AVEN: variants seen among roughly 807,000 people sequenced by gnomAD.
The protein encoded by AVEN is cell death regulator Aven.
In AVEN, 41 loss-of-function variants were observed where a neutral mutation model predicts 38.1. The observed-to-expected ratio is 1.08, with a 90% CI of 0.84 to 1.40. AVEN has a LOEUF of 1.40. Among genes scored for constraint, AVEN ranks in the 40% most tolerant of loss-of-function variants. The pLI is 0.00. For synonymous variants in AVEN, 206 were observed against 171.8 expected, an observed-to-expected ratio of 1.20 and a Z score of -1.56; for missense variants, 605 against 438.8, an observed-to-expected ratio of 1.38 and a Z score of -3.38.
chr15:33,934,058 T>A (rs1014013788), intron 2 of AVEN, among the ~76,000 whole-genome samples: 1 of 152,136 alleles, frequency 6.6e-6, no homozygotes, highest in Non-Finnish European at 1.5e-5. Flanking sequence ...TATTATATAC[T>A]CAAATTAAGA....
chr15:33,945,822 T>G (rs1015200039), intron 2 of AVEN, among the ~76,000 whole-genome samples: 1 of 152,162 alleles, frequency 6.6e-6, no homozygotes, highest in Non-Finnish European at 1.5e-5. Flanking sequence ...CCTGACCTCA[T>G]GATCCGCCCA....
intron 11 of AVEN, among the ~76,000 whole-genome samples, chr15:33,860,391 A>G (rs1296702391): frequency 6.6e-6 from 1 of 152,232 alleles, no homozygotes; most frequent in Non-Finnish European, 1.5e-5. Context: ...ACAGCACTGC[A>G]TGGTGTAGAA....
chr15:33,864,800 A>G, downstream of AVEN: 1 of 249,708 alleles, frequency 4.0e-6, no homozygotes, highest in Non-Finnish European at 7.7e-6. Flanking sequence ...ACGTTCCCTC[A>G]AGCATTCCTC....
chr15:33,943,693 C>T lies in AVEN; in HGVS notation c.445+59339G>A, dbSNP rs547550793. On this transcript the variant is annotated intron_variant, in intron 2 of 5. Coordinates refer to ENST00000306730, the MANE Select transcript of AVEN (RefSeq NM_020371.3). Reference sequence around the variant, plus strand: ...ACAAAAAATTAGCTAGGTGTGGTGGCGCACGCCTATAATCCCAGCTACTTG... The same window carrying T: ...ACAAAAAATTAGCTAGGTGTGGTGGTGCACGCCTATAATCCCAGCTACTTG... Among the ~76,000 whole-genome samples, 214 of 152,150 alleles carry T rather than the reference C, an allele frequency of 1.4e-3. 1 individual carries two copies. The highest frequency in any genetic ancestry group is 1.9e-3 in the Non-Finnish European group (130 of 67,994).
Position 34,063,388 on chromosome 15 carries a change from C to T in AVEN, n.1171G>A. 1 of 1,614,068 alleles carries T rather than the reference C, an allele frequency of 6.2e-7. No individual in the cohort carries two copies. The highest frequency in any genetic ancestry group is 8.5e-7 in the Non-Finnish European group (1 of 1,180,040). ...ATCTACCGGGAAACAGAGAAGCGAA[C>T]CAAGGACCTGGCTGACCTCCAGGGT... is the stretch of plus-strand genomic sequence containing the variant. On this transcript the variant is annotated non_coding_transcript_exon_variant, in exon 5 of 12. Transcript: ENST00000675287. This position sits in a 1 kb window ranked among gnomAD's most constrained non-coding sequence, Gnocchi z 4.1.
At chr15:33,887,424 A>C (rs1255288192) in intron 2 of AVEN, among the ~76,000 whole-genome samples, 1 of 152,132 alleles carries the variant, frequency 6.6e-6, no homozygotes, top group African/African-American at 2.4e-5. Flanking sequence ...TATGGGGTAA[A>C]ATTCTAGTTT....
At chr15:33,957,970 T>C (rs1181830357) in intron 2 of AVEN, among the ~76,000 whole-genome samples, 1 of 152,154 alleles carries the variant, frequency 6.6e-6, no homozygotes, top group Non-Finnish European at 1.5e-5. Context: ...TCACCCCAGA[T>C]CTACTAAATC....
chr15:33,932,862 T>TAAATAAATAAAA (rs1184605505), intron 2 of AVEN, among the ~76,000 whole-genome samples: 1,915 of 151,560 alleles, frequency 0.013, 21 homozygotes, highest in Non-Finnish European at 0.019. Flanking sequence ...AATAAATAAA[T>TAAATAAATAAAA]AAAAATTGTA....
At chr15:33,864,792 G>A (rs939645644), downstream of AVEN, 4 of 232,728 alleles carry the variant, frequency 1.7e-5, no homozygotes, top group East Asian at 9.3e-5. Context: ...TGCAATAAAC[G>A]TTCCCTCAAG....
intron 2 of AVEN, among the ~76,000 whole-genome samples, chr15:33,989,884 C>T (rs1277927220): frequency 1.3e-5 from 2 of 150,158 alleles, no homozygotes; most frequent in South Asian, 2.1e-4. Flanking sequence ...GCAATTGAGA[C>T]GGATACACTA....
At chr15:33,939,594 C>G (rs1481196870) in intron 2 of AVEN, among the ~76,000 whole-genome samples, 6 of 152,160 alleles carry the variant, frequency 3.9e-5, no homozygotes, top group Non-Finnish European at 7.4e-5. Flanking sequence ...TAATCTAAAC[C>G]CTGCTTTCAA....
At chr15:33,961,751 T>G (rs1222415681) in intron 2 of AVEN, among the ~76,000 whole-genome samples, 6 of 136,244 alleles carry the variant, frequency 4.4e-5, no homozygotes, top group Non-Finnish European at 6.1e-5. Flanking sequence ...AGGCGGAGCT[T>G]GCAGTGAGCC....
intron 3 of AVEN, chr15:34,066,591 C>T: frequency 6.6e-6 from 1 of 152,202 alleles, no homozygotes; most frequent in South Asian, 2.1e-4. Flanking sequence ...GACTGCTTGA[C>T]CCTAGGGGCT....
At chr15:33,997,438 C>G (rs959420924) in intron 2 of AVEN, among the ~76,000 whole-genome samples, 4 of 152,246 alleles carry the variant, frequency 2.6e-5, no homozygotes, top group Non-Finnish European at 5.9e-5. Flanking sequence ...GAAATGTAAA[C>G]TAAAAACTCC....
chr15:33,862,844 G>GA (rs1888893673), downstream of AVEN, among the ~76,000 whole-genome samples: 1 of 152,100 alleles, frequency 6.6e-6, no homozygotes, highest in Non-Finnish European at 1.5e-5. Flanking sequence ...CTCCTGACCT[G>GA]AAGTGATCCA....
downstream of AVEN, chr15:33,861,314 G>C (rs916296308): frequency 6.8e-6 from 4 of 586,056 alleles, no homozygotes; most frequent in African/African-American, 5.6e-5. Context: ...CTGTACCTTT[G>C]TCCATAGACT....
Position 33,866,419 on chromosome 15 carries a change from A to AACAAATGCAACAAGCTGCT in AVEN, c.*175_*193dup. On this transcript the variant is annotated 3_prime_UTR_variant, in exon 6 of 6. Coordinates refer to ENST00000306730, the MANE Select transcript of AVEN (RefSeq NM_020371.3). ...ATCTATTAGATTACTAAGCCAGAAA[A>AACAAATGCAACAAGCTGCT]ACAAATGCAACAAGCTGCTTCAATG... 1.7e-6 allele frequency: 1 copy of AACAAATGCAACAAGCTGCT among 585,152 alleles called. No individual in the cohort carries two copies. Among genetic ancestry groups the AACAAATGCAACAAGCTGCT allele is most frequent in the Admixed American group, 3.2e-5 (1 of 30,958 alleles). The allele number at this position is 585,152 out of a possible 1,614,324, so 36.2% of individuals were successfully genotyped here. A position where few individuals can be genotyped will look rare whatever the true frequency, so the allele number is the denominator to read the frequency against.
intron 2 of AVEN, among the ~76,000 whole-genome samples, chr15:33,933,853 G>A (rs1296856343): frequency 6.6e-6 from 1 of 152,162 alleles, no homozygotes; most frequent in Non-Finnish European, 1.5e-5. Flanking sequence ...CAGCTACTCA[G>A]GTGGCTGAGG....
chr15:34,074,322 AC>A (rs1900692800), intron 1 of AVEN, among the ~76,000 whole-genome samples: 1 of 152,128 alleles, frequency 6.6e-6, no homozygotes, highest in Non-Finnish European at 1.5e-5. Context: ...AAAAACAAAA[AC>A]AAAAAACAAC....
Sources: allele counts gnomAD v4.1 joint callset (sites outside exome capture counted in the v4.1 genomes callset), GRCh38; gene constraint gnomAD v4.1.1; non-coding constraint Gnocchi (gnomAD v3.1); transcripts MANE v1.5; gene names NCBI Gene and HGNC (gene_info 2026-07-23, HGNC 2026-07-21).